The following TMEM132D variants were observed in gnomAD, a reference collection of about 807,000 sequenced individuals.
The protein encoded by TMEM132D is mature OL transmembrane protein.
Under a neutral mutation model 62.3 loss-of-function variants are expected in TMEM132D, and 21 were observed. That is an observed-to-expected ratio of 0.34 (90% confidence interval 0.24 to 0.49). TMEM132D has a LOEUF of 0.49. Ranked by LOEUF, TMEM132D falls within the 20% of genes least tolerant of loss-of-function variation. The pLI, the probability that TMEM132D is intolerant of heterozygous loss-of-function variation, is 0.99. For synonymous variants in TMEM132D, 621 were observed against 575.6 expected (o/e 1.08, Z -1.13); for missense variants, 1,346 against 1,402.8 (o/e 0.96, Z 0.65).
intron 4 of TMEM132D, among the ~76,000 whole-genome samples, chr12:129,260,147 G>A (rs2135595011): frequency 6.6e-6 from 1 of 152,246 alleles, no homozygotes; most frequent in South Asian, 2.1e-4. Context: ...CTAAATTTGG[G>A]GGGTTGAGAA....
chr12:129,698,866 G>C (rs182513221), intron 2 of TMEM132D, among the ~76,000 whole-genome samples: 49 of 152,038 alleles, frequency 3.2e-4, no homozygotes, highest in African/African-American at 1.1e-3. Flanking sequence ...CATATGAAGG[G>C]GGATAGAGAG....
At chr12:129,749,100 A>G (rs752056065) in intron 1 of TMEM132D, among the ~76,000 whole-genome samples, 1 of 152,226 alleles carries the variant, frequency 6.6e-6, no homozygotes, top group Non-Finnish European at 1.5e-5. Flanking sequence ...TTAAGTTGCT[A>G]TGATTGGTTT....
intron 1 of TMEM132D, among the ~76,000 whole-genome samples, chr12:129,875,386 T>C (rs1381194447): frequency 6.6e-6 from 1 of 152,188 alleles, no homozygotes; most frequent in Non-Finnish European, 1.5e-5. Context: ...AGACATTTAT[T>C]TCTCAGAGTT....
chr12:129,727,030 TTTTTAAAA>T (rs573503637), intron 1 of TMEM132D, among the ~76,000 whole-genome samples: 1 of 152,340 alleles, frequency 6.6e-6, no homozygotes, highest in East Asian at 1.9e-4. Context: ...AACACCAGAA[TTTTTAAAA>T]ATTCCCAGAT....
intron 4 of TMEM132D, among the ~76,000 whole-genome samples, chr12:129,273,260 T>G (rs1440769679): frequency 6.6e-6 from 1 of 151,574 alleles, no homozygotes; most frequent in Non-Finnish European, 1.5e-5. Flanking sequence ...GGTGAAGCTG[T>G]GGAGAAAATA....
At chr12:129,152,826 C>T (rs1196059244) in intron 5 of TMEM132D, among the ~76,000 whole-genome samples, 2 of 152,218 alleles carry the variant, frequency 1.3e-5, no homozygotes. Flanking sequence ...CCCGGGCTTC[C>T]TTGTCAACTG....
chr12:129,477,802 T>C (rs1264015543), intron 3 of TMEM132D, among the ~76,000 whole-genome samples: 4 of 150,790 alleles, frequency 2.7e-5, no homozygotes, highest in African/African-American at 7.3e-5. Flanking sequence ...GCCTGGGCAA[T>C]AGAGCAAGAT....
intron 4 of TMEM132D, among the ~76,000 whole-genome samples, chr12:129,235,402 T>G (rs950580531): frequency 2.1e-5 from 1 of 47,554 alleles, no homozygotes; most frequent in Non-Finnish European, 5.7e-5. Context: ...CCTAATGGGT[T>G]TTTTTTTTTT....
In TMEM132D at chr12:129,710,398, T is replaced by G. The variant is rs192644328; in HGVS notation, c.80-9700A>C. 7.6e-4 allele frequency among the ~76,000 whole-genome samples: 116 copies of G among 152,172 alleles called. 1 individual carries two copies. The highest frequency in any genetic ancestry group is 2.8e-3 in the African/African-American group (115 of 41,524). Reference sequence around the variant, plus strand: ...GCAACCTCCACCTCCCGTGTTCAAGTGATTCTCCTGCCTCAGCCTCCCAAG... The same window carrying G: ...GCAACCTCCACCTCCCGTGTTCAAGGGATTCTCCTGCCTCAGCCTCCCAAG... On this transcript the variant is annotated intron_variant, in intron 1 of 8. Transcript: ENST00000422113.
chr12:129,322,637 G>T (rs1006388617), intron 4 of TMEM132D, among the ~76,000 whole-genome samples: 5 of 151,922 alleles, frequency 3.3e-5, no homozygotes, highest in Admixed American at 3.3e-4. Context: ...GAAAGATATG[G>T]GTTCTAGGTT....
chr12:129,536,348 G>T (rs1434056303), intron 2 of TMEM132D, among the ~76,000 whole-genome samples: 2 of 152,146 alleles, frequency 1.3e-5, no homozygotes, highest in African/African-American at 2.4e-5. Flanking sequence ...AAGCTTTTTT[G>T]AATTGCTCTT....
intron 2 of TMEM132D, among the ~76,000 whole-genome samples, chr12:129,536,422 A>G (rs1876391819): frequency 6.6e-6 from 1 of 151,102 alleles, no homozygotes. Context: ...CATTTTTTTT[A>G]TAGGTCATAG....
intron 1 of TMEM132D, among the ~76,000 whole-genome samples, chr12:129,780,103 C>T (rs1412622571): frequency 6.6e-6 from 1 of 152,074 alleles, no homozygotes; most frequent in Non-Finnish European, 1.5e-5. Context: ...TCTCCCACAC[C>T]CACCCGCAAA....
rs114437775 is a variant in TMEM132D, at chr12:129,445,084, T to C, written c.1115+85975A>G. Among the ~76,000 whole-genome samples, 1,232 of 152,266 alleles carry C rather than the reference T, an allele frequency of 8.1e-3. 16 individuals carry two copies. The highest frequency in any genetic ancestry group is 0.028 in the African/African-American group (1,157 of 41,546). ...AGCAAAGACATGGAATCAACCTAAA[T>C]ATCCATCAATGAAAGACTGGATAAA... On this transcript the variant is annotated intron_variant, in intron 3 of 8. Coordinates refer to ENST00000422113, the MANE Select transcript of TMEM132D (RefSeq NM_133448.3).
chr12:129,580,219 AG>A (rs1877805753), intron 2 of TMEM132D, among the ~76,000 whole-genome samples: 2 of 152,184 alleles, frequency 1.3e-5, no homozygotes, highest in South Asian at 4.1e-4. Context: ...CTTTTCTTCA[AG>A]GTGAAAAAAA....
Position 129,903,227 on chromosome 12 carries a change from A to AAG in TMEM132D, c.79+33_79+34insCT. 1 of 1,550,364 alleles carries AAG rather than the reference A, an allele frequency of 6.5e-7. No homozygotes were observed. Among genetic ancestry groups the AAG allele is most frequent in the Admixed American group, 2.0e-5 (1 of 51,012 alleles). On this transcript the variant is annotated intron_variant, in intron 1 of 8. Coordinates refer to ENST00000422113, the MANE Select transcript of TMEM132D (RefSeq NM_133448.3). This position sits in a 1 kb window ranked among gnomAD's most constrained non-coding sequence, Gnocchi z 6.2. ...CCACACACTCACTCCAGGCGAAGTT[A>AAG]GTCCCCGGGCCCTGGCGGCCGCGGC...
Position 129,409,354 on chromosome 12 carries a change from A to C in TMEM132D, c.1116-71537T>G, listed in dbSNP as rs566178001. 6.8e-3 allele frequency among the ~76,000 whole-genome samples: 1,038 copies of C among 152,316 alleles called. 14 individuals are homozygous for C. The highest frequency in any genetic ancestry group is 0.022 in the African/African-American group (933 of 41,560). On this transcript the variant is annotated intron_variant, in intron 3 of 8. Coordinates refer to ENST00000422113, the MANE Select transcript of TMEM132D (RefSeq NM_133448.3). ...TAAGGTAAAAATCTGTGTGTCGGAC[A>C]CTCACACAACACTACATTCCCTTAT...
At chr12:129,727,295 GTGC>G (rs1424777531) in intron 1 of TMEM132D, among the ~76,000 whole-genome samples, 2 of 152,180 alleles carry the variant, frequency 1.3e-5, no homozygotes, top group Admixed American at 6.5e-5. Flanking sequence ...CAGGATCTCT[GTGC>G]TGTGTCATAA....
chr12:129,766,839 G>A (rs537696735), intron 1 of TMEM132D, among the ~76,000 whole-genome samples: 1 of 152,258 alleles, frequency 6.6e-6, no homozygotes, highest in African/African-American at 2.4e-5. Context: ...ACCTGAAAGA[G>A]GTGCAGGAAG....
Sources: allele counts gnomAD v4.1 joint callset (sites outside exome capture counted in the v4.1 genomes callset), GRCh38; gene constraint gnomAD v4.1.1; non-coding constraint Gnocchi (gnomAD v3.1); transcripts MANE v1.5; gene names NCBI Gene and HGNC (gene_info 2026-07-23, HGNC 2026-07-21).